ABAT: variants seen among roughly 807,000 people sequenced by gnomAD.
ABAT encodes the protein 4-aminobutyrate aminotransferase, mitochondrial.
ABAT carries 45 observed loss-of-function variants against 64.6 expected under a neutral mutation model. The observed-to-expected ratio is 0.70, with a 90% CI of 0.55 to 0.89. The LOEUF (loss-of-function observed/expected upper bound fraction) is 0.89, where lower values mean the gene tolerates loss of function less well. Among genes scored for constraint, ABAT ranks in the 40% least tolerant of loss-of-function variants. The probability of loss-of-function intolerance (pLI) is 0.00; values close to 1 mark genes in which losing one functional copy is unlikely to be tolerated. For missense variants in ABAT, 633 were observed against 658.4 expected, an observed-to-expected ratio of 0.96 and a Z score of 0.42; for synonymous variants, 297 against 250.5, an observed-to-expected ratio of 1.19 and a Z score of -1.75.
chr16:8,713,479 G>T, intron 1 of ABAT: 2 of 183,300 alleles, frequency 1.1e-5, no homozygotes, highest in East Asian at 1.5e-4. Context: ...GTTAATCTTT[G>T]TTTCTGTGTA....
intron 5 of ABAT, chr16:8,757,144 G>T (rs1330374805): frequency 6.6e-6 from 3 of 454,820 alleles, no homozygotes; most frequent in African/African-American, 6.0e-5. Flanking sequence ...CCCCAGGCTT[G>T]AAATTTTCTT....
At chr16:8,714,574 G>A (rs562669851) in intron 1 of ABAT, 3 of 152,312 alleles carry the variant, frequency 2.0e-5, no homozygotes, top group Admixed American at 6.5e-5. Context: ...TTTAGAAAAT[G>A]CAATTTCATT....
At chr16:8,717,667 C>T (rs966285231) in intron 1 of ABAT, among the ~76,000 whole-genome samples, 1 of 152,182 alleles carries the variant, frequency 6.6e-6, no homozygotes, top group Non-Finnish European at 1.5e-5. Context: ...CTGTTCCTTT[C>T]TCTCTTAAGA....
intron 1 of ABAT, among the ~76,000 whole-genome samples, chr16:8,701,702 A>C (rs1485125426): frequency 6.6e-6 from 1 of 152,236 alleles, no homozygotes; most frequent in South Asian, 2.1e-4. Flanking sequence ...TAGAGGTAAA[A>C]TAGGAGATAC....
Position 8,768,834 on chromosome 16 carries a change from C to A in ABAT, c.677C>A (p.Ala226Glu). 6.2e-7 allele frequency: 1 copy of A among 1,614,156 alleles called. No homozygotes were observed. Among genetic ancestry groups the A allele is most frequent in the Non-Finnish European group, 8.5e-7 (1 of 1,180,028 alleles). The stretch of plus-strand genomic sequence containing the variant: ...GTTTTGCTGAACTCAGGTTGCTTAG[C>A]GACCACGCACTCTAAAGCCATTCAC... ...AFHGRTMGCL[A>E]TTHSKAIHKI... The change falls in exon 11 of 16, where the codon GCG becomes GAG. Residue 226 changes from alanine to glutamate, a missense_variant. By Grantham distance (107) the Ala-to-Glu change is moderately radical. Transcript: ENST00000268251.
At chr16:8,769,033 A>G (rs2060026320) in intron 11 of ABAT, 60 bp downstream of exon 11, 3 of 1,608,328 alleles carry the variant, frequency 1.9e-6, no homozygotes, top group Non-Finnish European at 2.6e-6. Flanking sequence ...TTGCCGCCCC[A>G]AGACTTGGGG....
chr16:8,705,725 T>C (rs2057925569), intron 1 of ABAT, among the ~76,000 whole-genome samples: 1 of 152,162 alleles, frequency 6.6e-6, no homozygotes, highest in Non-Finnish European at 1.5e-5. Flanking sequence ...AGGTTTTAGT[T>C]GTTTTTTTGT....
chr16:8,693,188 A>G (rs1427174438), intron 1 of ABAT, among the ~76,000 whole-genome samples: 1 of 152,194 alleles, frequency 6.6e-6, no homozygotes, highest in African/African-American at 2.4e-5. Flanking sequence ...CAAAAACTTT[A>G]CTACTAATAG....
chr16:8,690,323 C>A (rs1177522004), intron 1 of ABAT, among the ~76,000 whole-genome samples: 3 of 152,166 alleles, frequency 2.0e-5, no homozygotes, highest in Non-Finnish European at 2.9e-5. Context: ...AACTGTTTCT[C>A]CTCATTCACC....
intron 1 of ABAT, among the ~76,000 whole-genome samples, chr16:8,729,828 T>TAAAA (rs5815494): frequency 0.014 from 1,796 of 128,366 alleles, 38 homozygotes; most frequent in South Asian, 0.024. Context: ...TTTTTTGTCT[T>TAAAA]AAAAAAAAAA....
At chr16:8,734,580 A>G (rs190417277) in intron 1 of ABAT, among the ~76,000 whole-genome samples, 3 of 152,268 alleles carry the variant, frequency 2.0e-5, no homozygotes, top group Admixed American at 2.0e-4. Flanking sequence ...TGTTAATAAT[A>G]GTAATAAATA....
chr16:8,766,156 C>A (rs367899389), intron 8 of ABAT, 52 bp from the exon 9 acceptor site: 332 of 1,562,354 alleles, frequency 2.1e-4, no homozygotes, highest in Non-Finnish European at 2.8e-4. Flanking sequence ...AAAGATGAAG[C>A]CCCGACTACC....
chr16:8,737,949 A>G (rs140158064), intron 2 of ABAT, among the ~76,000 whole-genome samples: 5,760 of 23,546 alleles, frequency 0.24, 847 homozygotes, highest in South Asian at 0.32. Context: ...GGAAAGGAAG[A>G]AAGGAAGGAA....
chr16:8,729,828 TAAAA>T (rs5815494), intron 1 of ABAT, among the ~76,000 whole-genome samples: 1 of 128,428 alleles, frequency 7.8e-6, no homozygotes, highest in Middle Eastern at 4.1e-3. Flanking sequence ...TTTTTTGTCT[TAAAA>T]AAAAAAAAAA....
chr16:8,674,857 C>A (rs527831711), intron 1 of ABAT, 146 bp downstream of exon 1: 9 of 152,478 alleles, frequency 5.9e-5, no homozygotes, highest in Non-Finnish European at 1.2e-4. Flanking sequence ...GGGCCCTCCC[C>A]CGAAAAGACA....
At chr16:8,738,395 T>C (rs890584169) in intron 2 of ABAT, 13 of 455,756 alleles carry the variant, frequency 2.9e-5, no homozygotes, top group Admixed American at 2.8e-4. Flanking sequence ...CTCCAGACTT[T>C]TATTTGGCTT....
intron 14 of ABAT, 149 bp from the exon 15 acceptor site, chr16:8,779,330 C>T (rs761383472): frequency 1.2e-5 from 8 of 694,132 alleles, no homozygotes; most frequent in African/African-American, 1.1e-4. Flanking sequence ...CCTGAATGTC[C>T]CCAGAGCTCT....
At position 8,713,996 on chromosome 16, in the gene ABAT, G is replaced by A. The variant is rs555303861; in HGVS notation, c.-41-21703G>A. The A allele has an allele frequency of 3.7e-4, 164 of 437,924 alleles. No homozygotes were observed. In the Middle Eastern group the frequency reaches 9.4e-3, roughly 25 times the overall value. 27.1% of individuals were successfully genotyped at this position (437,924 alleles called of 1,614,324 possible). Reference sequence around the variant, plus strand: ...GTGTTGGGGTGTGCAGGTCGGGGGGGCACACACCCTTGTGCATCTGTGTAC... The same window carrying A: ...GTGTTGGGGTGTGCAGGTCGGGGGGACACACACCCTTGTGCATCTGTGTAC... On this transcript the variant is annotated intron_variant, in intron 1 of 15. Transcript: ENST00000268251.
intron 1 of ABAT, among the ~76,000 whole-genome samples, chr16:8,686,179 C>T (rs936210923): frequency 1.3e-5 from 2 of 152,244 alleles, no homozygotes; most frequent in Admixed American, 6.5e-5. Context: ...GTAAATAGCA[C>T]TCTGCTGGCT....
Sources: gnomAD v4.1 joint callset for allele counts (sites outside exome capture counted in the v4.1 genomes callset) on GRCh38, gnomAD v4.1.1 for gene constraint, MANE v1.5 for transcripts, NCBI Gene and HGNC (gene_info 2026-07-23, HGNC 2026-07-21) for gene names.